Variants in RAP1A observed in about 807,000 individuals in gnomAD.
The protein encoded by RAP1A is ras-related protein Rap-1A.
RAP1A carries 6 observed loss-of-function variants against 26.4 expected under a neutral mutation model. That is an observed-to-expected ratio of 0.23 (90% CI 0.12 to 0.45). The LOEUF is 0.45. Among genes scored for constraint, RAP1A ranks in the 20% least tolerant of loss-of-function variants. The pLI, the probability that RAP1A is intolerant of heterozygous loss-of-function variation, is 0.99. For synonymous variants in RAP1A, 73 were observed against 79.4 expected (o/e 0.92, Z 0.43); for missense variants, 121 against 217.2 (o/e 0.56, Z 2.78).
intron 1 of RAP1A, chr1:111,604,479 T>C (rs905399339): frequency 6.6e-6 from 1 of 152,206 alleles, no homozygotes; most frequent in Non-Finnish European, 1.5e-5. Flanking sequence ...AGTGGCAGGA[T>C]GTCCACAGTT....
intron 1 of RAP1A, among the ~76,000 whole-genome samples, chr1:111,651,953 C>G (rs1660287244): frequency 6.7e-6 from 1 of 148,906 alleles, no homozygotes; most frequent in Non-Finnish European, 1.5e-5. Context: ...TTTTTTTGTG[C>G]AAAAAGTTTA....
At chr1:111,640,140 C>A (rs1376275858) in intron 1 of RAP1A, among the ~76,000 whole-genome samples, 1 of 152,190 alleles carries the variant, frequency 6.6e-6, no homozygotes. Context: ...TTAGATAAAG[C>A]CTTACCCTCC....
intron 1 of RAP1A, among the ~76,000 whole-genome samples, chr1:111,559,706 C>T (rs74112342): frequency 0.081 from 12,311 of 152,196 alleles, 1,178 homozygotes; most frequent in African/African-American, 0.23. Flanking sequence ...TTTGCTATCA[C>T]TGCCTTCCTG....
upstream of RAP1A, among the ~76,000 whole-genome samples, chr1:111,615,762 T>A (rs1321080353): frequency 2.2e-5 from 3 of 136,814 alleles, no homozygotes; most frequent in African/African-American, 8.5e-5. Context: ...ACCTGGGAGG[T>A]GGAGGTTGCA....
At chr1:111,670,005 A>T (rs1200334199) in intron 1 of RAP1A, among the ~76,000 whole-genome samples, 2 of 152,202 alleles carry the variant, frequency 1.3e-5, no homozygotes, top group African/African-American at 4.8e-5. Flanking sequence ...CTCAGAGTAA[A>T]TAACTATTAA....
chr1:111,605,287 G>A (rs1658748972), intron 1 of RAP1A, among the ~76,000 whole-genome samples: 1 of 152,198 alleles, frequency 6.6e-6, no homozygotes, highest in Non-Finnish European at 1.5e-5. Context: ...ACGTACATAT[G>A]TTTATTGGGA....
intron 1 of RAP1A, among the ~76,000 whole-genome samples, chr1:111,639,531 A>G (rs1365503659): frequency 1.3e-5 from 2 of 151,654 alleles, no homozygotes; most frequent in African/African-American, 4.9e-5. Flanking sequence ...GTTGATTCTG[A>G]TACTATATAC....
Position 111,712,508 on chromosome 1 carries a change from C to T in RAP1A, c.*107C>T, listed in dbSNP as rs942761456. On this transcript the variant is annotated 3_prime_UTR_variant, in exon 8 of 8. Transcript: ENST00000369709. ...TTCAAAAATAAAAAATCTGAAGAGGCTTCTCCTGTTTTATATATTATGTGA... is the reference window on the plus strand; with the variant it reads ...TTCAAAAATAAAAAATCTGAAGAGGTTTCTCCTGTTTTATATATTATGTGA... 1 of 152,396 alleles carries T rather than the reference C, an allele frequency of 6.6e-6. No homozygotes were observed. Among genetic ancestry groups the T allele is most frequent in the African/African-American group, 2.4e-5 (1 of 41,408 alleles). 9.4% of individuals were successfully genotyped at this position (152,396 alleles called of 1,614,324 possible).
At chr1:111,569,782 G>C (rs1014387701) in intron 1 of RAP1A, among the ~76,000 whole-genome samples, 13 of 152,098 alleles carry the variant, frequency 8.5e-5, no homozygotes, top group Non-Finnish European at 1.6e-4. Context: ...TATACATGTA[G>C]CTGTACTACC....
chr1:111,610,095 T>C lies in RAP1A; in HGVS notation c.-28+67586T>C, dbSNP rs912481864. Among the ~76,000 whole-genome samples, 9 of 152,366 alleles carry C rather than the reference T, an allele frequency of 5.9e-5. No individual in the cohort carries two copies. The East Asian group carries it at 1.2e-3, about 20-fold the overall frequency. ...GATTGACTCCCTTGGTAATCCTCCTTGCAAAACCCTAAGACTCACCCCCTC... is the reference window on the plus strand; with the variant it reads ...GATTGACTCCCTTGGTAATCCTCCTCGCAAAACCCTAAGACTCACCCCCTC... On this transcript the variant is annotated intron_variant, in intron 1 of 7. Coordinates refer to the RAP1A transcript ENST00000356415.
intron 1 of RAP1A, among the ~76,000 whole-genome samples, chr1:111,550,289 T>C (rs1463463176): frequency 6.6e-6 from 1 of 152,176 alleles, no homozygotes; most frequent in Admixed American, 6.5e-5. Flanking sequence ...TCTGGCTTCA[T>C]TGATTTTCTC....
At chr1:111,656,077 A>G (rs1660449686) in intron 1 of RAP1A, among the ~76,000 whole-genome samples, 1 of 152,204 alleles carries the variant, frequency 6.6e-6, no homozygotes, top group Admixed American at 6.5e-5. Flanking sequence ...ATATAAATAA[A>G]GATTCATTGC....
At chr1:111,704,199 C>A in intron 5 of RAP1A, 144 bp from the exon 6 acceptor site, 1 of 589,026 alleles carries the variant, frequency 1.7e-6, no homozygotes, top group Non-Finnish European at 2.6e-6. Context: ...TTCCCCTCAA[C>A]ATATACTTTT....
chr1:111,651,777 A>G (rs941570340), intron 1 of RAP1A, among the ~76,000 whole-genome samples: 6 of 151,254 alleles, frequency 4.0e-5, no homozygotes, highest in African/African-American at 1.2e-4. Context: ...ACGCCCAGCT[A>G]ATGTTTTTGT....
At chr1:111,654,289 T>G (rs996681812) in intron 1 of RAP1A, among the ~76,000 whole-genome samples, 2 of 152,216 alleles carry the variant, frequency 1.3e-5, no homozygotes, top group Admixed American at 1.3e-4. Flanking sequence ...TTGTTGTTAC[T>G]TCAAACAAAC....
chr1:111,577,210 C>T (rs1256275165), intron 1 of RAP1A, among the ~76,000 whole-genome samples: 1 of 151,840 alleles, frequency 6.6e-6, no homozygotes, highest in Non-Finnish European at 1.5e-5. Flanking sequence ...TGAGACCAGC[C>T]TGGTCAACAT....
chr1:111,653,683 C>CAAAAAAA (rs71099925), intron 1 of RAP1A, among the ~76,000 whole-genome samples: 1 of 65,696 alleles, frequency 1.5e-5, no homozygotes, highest in Admixed American at 1.7e-4. Flanking sequence ...AACTCTGTCT[C>CAAAAAAA]AAAAAAAAAA....
chr1:111,568,266 A>G (rs896257993), intron 1 of RAP1A, among the ~76,000 whole-genome samples: 3 of 152,214 alleles, frequency 2.0e-5, no homozygotes, highest in African/African-American at 7.2e-5. Context: ...TACAGGAAGC[A>G]TGGCTCTGGC....
At chr1:111,542,240 C>A (rs1656859422) in exon 1 of RAP1A, 2 of 608,440 alleles carry the variant, frequency 3.3e-6, no homozygotes, top group Non-Finnish European at 3.1e-6. Context: ...CTGACGGAAA[C>A]ACTGGCGGCA....
Sources: gnomAD v4.1 joint callset for allele counts (sites outside exome capture counted in the v4.1 genomes callset) on GRCh38, gnomAD v4.1.1 for gene constraint, MANE v1.5 for transcripts, NCBI Gene and HGNC (gene_info 2026-07-23, HGNC 2026-07-21) for gene names.